The following PIK3CA variants were observed in gnomAD, a reference collection of about 807,000 sequenced individuals.
The protein encoded by PIK3CA is phosphatidylinositol-4,5-bisphosphate 3-kinase catalytic subunit alpha.
PIK3CA carries 27 observed loss-of-function variants against 138.2 expected under a neutral mutation model. The observed-to-expected ratio is 0.20, with a 90% CI of 0.14 to 0.27. The LOEUF is 0.27. PIK3CA is among the 10% of genes least tolerant of loss of function. The pLI is 1.00. For missense variants in PIK3CA, 544 were observed against 1,277.4 expected, an observed-to-expected ratio of 0.43 and a Z score of 8.75; for synonymous variants, 358 against 413.2, an observed-to-expected ratio of 0.87 and a Z score of 1.62.
intron 1 of PIK3CA, among the ~76,000 whole-genome samples, chr3:179,172,568 A>T (rs1723586017): frequency 6.6e-6 from 1 of 152,198 alleles, no homozygotes; most frequent in African/African-American, 2.4e-5. Flanking sequence ...GGAATTAATT[A>T]TATTTCTAAA....
In PIK3CA at chr3:179,187,786, C is replaced by T. The variant is rs542500050; in HGVS notation, c.-76-10964C>T. On this transcript the variant is annotated intron_variant, in intron 1 of 20. Transcript: ENST00000263967. ...CCGAGTAGCTGGGACTACAGGCGCC[C>T]GCCACCATGCCTGGCTAATTTTTTG... 1.4e-3 allele frequency among the ~76,000 whole-genome samples: 212 copies of T among 151,490 alleles called. 1 individual carries two copies. The highest frequency in any genetic ancestry group is 2.4e-3 in the Non-Finnish European group (161 of 67,848).
intron 6 of PIK3CA, among the ~76,000 whole-genome samples, chr3:179,207,822 A>G (rs1433360688): frequency 6.6e-6 from 1 of 151,832 alleles, no homozygotes; most frequent in East Asian, 1.9e-4. Context: ...GCCCAGCCTA[A>G]TTTTTTTTAA....
In PIK3CA at chr3:179,238,378, C is replaced by G. The variant is rs993547597; in HGVS notation, c.*4014C>G. ...ATCTATGTGCCATGGCCTGGGAAGC[C>G]TGCTTTCTTTTTTCATAAAAATTAT... On this transcript the variant is annotated 3_prime_UTR_variant, in exon 21 of 21. Transcript: ENST00000263967. The G allele has an allele frequency of 1.4e-5, 3 of 217,286 alleles. No individual in the cohort carries two copies. The highest frequency in any genetic ancestry group is 6.8e-5 in the African/African-American group (3 of 44,420). 13.5% of individuals were successfully genotyped at this position (217,286 alleles called of 1,614,324 possible).
In PIK3CA at chr3:179,170,628, G is replaced by A. The variant is rs116732602; in HGVS notation, c.-77+22025G>A. Reference sequence around the variant, plus strand: ...GATGATTTCCTTCTTCAGAAAACAGGCATCAAAATACTGGAGTAACTGTGT... The same window carrying A: ...GATGATTTCCTTCTTCAGAAAACAGACATCAAAATACTGGAGTAACTGTGT... On this transcript the variant is annotated intron_variant, in intron 1 of 20. Transcript: ENST00000263967. 1.4e-3 allele frequency among the ~76,000 whole-genome samples: 207 copies of A among 152,210 alleles called. 2 individuals are homozygous for A. Among genetic ancestry groups the A allele is most frequent in the Middle Eastern group, 0.01 (3 of 294 alleles).
intron 1 of PIK3CA, among the ~76,000 whole-genome samples, chr3:179,149,951 T>C (rs1471338800): frequency 6.6e-6 from 1 of 152,200 alleles, no homozygotes; most frequent in Non-Finnish European, 1.5e-5. Context: ...AACACTTTGC[T>C]TTCAAAGCAA....
intron 1 of PIK3CA, among the ~76,000 whole-genome samples, chr3:179,176,298 GT>G (rs1185460648): frequency 6.6e-6 from 1 of 152,176 alleles, no homozygotes; most frequent in Non-Finnish European, 1.5e-5. Flanking sequence ...AATTCCAGTA[GT>G]TCCAGGAACC....
intron 1 of PIK3CA, among the ~76,000 whole-genome samples, chr3:179,181,135 A>T (rs1723834320): frequency 6.6e-6 from 1 of 152,156 alleles, no homozygotes; most frequent in Admixed American, 6.5e-5. Flanking sequence ...GTCACCACAC[A>T]CCAGATATGG....
chr3:179,151,718 G>T (rs540902675), intron 1 of PIK3CA, among the ~76,000 whole-genome samples: 1 of 152,234 alleles, frequency 6.6e-6, no homozygotes, highest in South Asian at 2.1e-4. Flanking sequence ...AGCTCCCTTG[G>T]TCTTTTCATA....
chr3:179,229,228 TA>T (rs779189251), intron 17 of PIK3CA, 43 bp from the exon 18 acceptor site: 2 of 1,506,740 alleles, frequency 1.3e-6, no homozygotes, highest in Non-Finnish European at 1.8e-6. Context: ...TTTGCTATTT[TA>T]AAATTCCATC....
intron 1 of PIK3CA, among the ~76,000 whole-genome samples, chr3:179,190,214 A>C (rs1724092534): frequency 6.6e-6 from 1 of 151,900 alleles, no homozygotes; most frequent in Non-Finnish European, 1.5e-5. Flanking sequence ...TTACATTTTC[A>C]CTAGAGTAAT....
In PIK3CA at chr3:179,150,672, C is replaced by T. The variant is rs1367831688; in HGVS notation, c.-77+2069C>T. Among the ~76,000 whole-genome samples, 88 of 152,166 alleles carry T rather than the reference C, an allele frequency of 5.8e-4. 1 individual carries two copies. Among genetic ancestry groups the T allele is most frequent in the Non-Finnish European group, 5.9e-5 (4 of 68,036 alleles). ...TTGCTTGCTCTGTGCGTGGAACAGC[C>T]TTTCTGGTGGCAGAGCTTCCTTCCT... On this transcript the variant is annotated intron_variant, in intron 1 of 20. Transcript: ENST00000263967.
intron 1 of PIK3CA, among the ~76,000 whole-genome samples, chr3:179,168,332 C>G (rs1723468907): frequency 6.6e-6 from 1 of 152,124 alleles, no homozygotes; most frequent in Admixed American, 6.5e-5. Flanking sequence ...TTAATTACTG[C>G]ATTGTTTTTT....
intron 9 of PIK3CA, among the ~76,000 whole-genome samples, chr3:179,215,705 T>TTTGG (rs1724821904): frequency 6.6e-6 from 1 of 152,146 alleles, no homozygotes; most frequent in Non-Finnish European, 1.5e-5. Flanking sequence ...AATTTTTTTG[T>TTTGG]TTGGTTGGTT....
At chr3:179,227,048 G>A (rs763797397) in intron 17 of PIK3CA, among the ~76,000 whole-genome samples, 11 of 152,046 alleles carry the variant, frequency 7.2e-5, no homozygotes, top group African/African-American at 1.4e-4. Context: ...GGAGATAACC[G>A]TGTAACGCTG....
At chr3:179,222,897 GGA>G (rs1327835259) in intron 14 of PIK3CA, among the ~76,000 whole-genome samples, 1 of 152,176 alleles carries the variant, frequency 6.6e-6, no homozygotes, top group African/African-American at 2.4e-5. Flanking sequence ...ATTGTAAGTT[GGA>G]GACCATCTGT....
chr3:179,148,351 A>G (rs1423141428), upstream of PIK3CA: 1 of 151,458 alleles, frequency 6.6e-6, no homozygotes, highest in Non-Finnish European at 1.5e-5. Context: ...AGAAGTAGAA[A>G]GCGGCAGTTC....
intron 1 of PIK3CA, among the ~76,000 whole-genome samples, chr3:179,172,587 A>G (rs1232447997): frequency 1.3e-5 from 2 of 152,222 alleles, no homozygotes; most frequent in Non-Finnish European, 2.9e-5. Context: ...AACACTAGCA[A>G]TGAACCATCC....
rs536561084 is a variant in PIK3CA, at chr3:179,219,427, A to T, written c.1747-144A>T. On this transcript the variant is annotated intron_variant, in intron 11 of 20. Coordinates refer to ENST00000263967, the MANE Select transcript of PIK3CA (RefSeq NM_006218.4). This position sits in a 1 kb window ranked among gnomAD's most constrained non-coding sequence, Gnocchi z 4.2. Reference sequence around the variant, plus strand: ...AACACCCTTAACATTATTTCCATAGATAAAACTAATTAGAACTGTAAATTC... The same window carrying T: ...AACACCCTTAACATTATTTCCATAGTTAAAACTAATTAGAACTGTAAATTC... The T allele has an allele frequency of 1.5e-6, 1 of 686,288 alleles. No homozygotes were observed. The highest frequency in any genetic ancestry group is 2.7e-5 in the East Asian group (1 of 36,718). 42.5% of individuals were successfully genotyped at this position (686,288 alleles called of 1,614,324 possible).
In PIK3CA at chr3:179,224,151, C is replaced by T; in HGVS notation, c.2258C>T (p.Ser753Phe). Residue 753 changes from serine to phenylalanine, a missense_variant, in exon 15 of 21, where the codon TCT (serine) becomes TTT (phenylalanine). Physicochemically the swap from Ser to Phe is radical, Grantham distance 155. Around this residue, in one of 14 missense-constraint regions of PIK3CA, gnomAD observed 35 missense variants for 49.4 expected, o/e 0.71. Transcript: ENST00000263967. ...DFMDALQGFL[S>F]PLNPAHQLGN... ...ATGGATGCTCTACAGGGCTTTCTGT[C>T]TCCTCTAAACCCTGCTCATCAACTA... 1 of 1,594,078 alleles carries T rather than the reference C, an allele frequency of 6.3e-7. No individual in the cohort carries two copies. The highest frequency in any genetic ancestry group is 1.1e-5 in the South Asian group (1 of 88,550).
Sources: allele counts gnomAD v4.1 joint callset (sites outside exome capture counted in the v4.1 genomes callset), GRCh38; gene constraint gnomAD v4.1.1; regional missense constraint gnomAD v4.1.1; non-coding constraint Gnocchi (gnomAD v3.1); transcripts MANE v1.5; gene names NCBI Gene and HGNC (gene_info 2026-07-23, HGNC 2026-07-21).